Variants in PIK3R3 observed in about 807,000 individuals in gnomAD.
PIK3R3 encodes phosphatidylinositol 3-kinase regulatory subunit gamma.
PIK3R3 carries 64 observed loss-of-function variants against 62.9 expected under a neutral mutation model. The ratio of observed to expected loss-of-function variants is 1.02; its 90% confidence interval spans 0.83 to 1.25. The LOEUF is 1.25. PIK3R3 is among the 50% of genes most tolerant of loss of function. PIK3R3 has a pLI of 0.00. For synonymous variants in PIK3R3, 165 were observed against 189.0 expected (o/e 0.87, Z 1.04); for missense variants, 614 against 561.6 (o/e 1.09, Z -0.94).
chr1:46,135,601 A>C (rs1466198863), upstream of PIK3R3, among the ~76,000 whole-genome samples: 1 of 152,116 alleles, frequency 6.6e-6, no homozygotes, highest in East Asian at 1.9e-4. Context: ...TCAGAGATGG[A>C]TGAAATATTT....
rs1480930754 is a variant in PIK3R3, at chr1:46,132,526, G to T, written c.-574C>A. ...GGAACCGAAGCTGCCGCAGCCTCGG[G>T]AATGGGGCCGGCCGGAGAAGTCCAG... On this transcript the variant is annotated 5_prime_UTR_variant, in exon 1 of 10. Coordinates refer to ENST00000262741, the MANE Select transcript of PIK3R3 (RefSeq NM_003629.4). 1 of 1,241,846 alleles carries T rather than the reference G, an allele frequency of 8.1e-7. No homozygotes were observed. The highest frequency in any genetic ancestry group is 1.0e-6 in the Non-Finnish European group (1 of 965,086). 76.9% of individuals were successfully genotyped at this position (1,241,846 alleles called of 1,614,324 possible).
intron 1 of PIK3R3, among the ~76,000 whole-genome samples, chr1:46,090,357 A>G (rs1008244109): frequency 2.0e-5 from 3 of 151,532 alleles, no homozygotes; most frequent in East Asian, 1.9e-4. Context: ...TTTTTGAGAC[A>G]GTCTCCCTCT....
chr1:46,052,057 G>A (rs1156431366), intron 7 of PIK3R3, among the ~76,000 whole-genome samples: 5 of 152,084 alleles, frequency 3.3e-5, no homozygotes, highest in African/African-American at 1.2e-4. Flanking sequence ...AGAATGGCGT[G>A]AACCCGGGAG....
intron 7 of PIK3R3, among the ~76,000 whole-genome samples, chr1:46,054,397 C>CAAAAAAAAAAAA (rs10649671): frequency 1.2e-5 from 1 of 80,046 alleles, no homozygotes; most frequent in African/African-American, 5.0e-5. Flanking sequence ...CTCCGCCTCA[C>CAAAAAAAAAAAA]AAAAAAAAAA....
the PIK3R3 span, among the ~76,000 whole-genome samples, chr1:46,160,000 T>A: frequency 1.3e-5 from 2 of 152,206 alleles, no homozygotes; most frequent in African/African-American, 4.8e-5. Context: ...CTCATTTTTT[T>A]ATTCAAATCA....
chr1:46,115,634 T>C (rs918448071), intron 1 of PIK3R3, among the ~76,000 whole-genome samples: 3 of 152,232 alleles, frequency 2.0e-5, no homozygotes, highest in South Asian at 2.1e-4. Flanking sequence ...TTATATAGTT[T>C]ATGACTATCT....
intron 1 of PIK3R3, 87 bp downstream of exon 1, chr1:46,131,760 A>G: frequency 1.5e-6 from 2 of 1,301,416 alleles, no homozygotes; most frequent in South Asian, 2.4e-5. Context: ...GCACCCAGGA[A>G]TACTTCTGCC....
At chr1:46,110,390 G>GA (rs1233866870) in intron 1 of PIK3R3, among the ~76,000 whole-genome samples, 2 of 150,584 alleles carry the variant, frequency 1.3e-5, no homozygotes, top group Non-Finnish European at 2.9e-5. Flanking sequence ...CCAAAGTGCC[G>GA]AGATTACAGG....
intron 2 of PIK3R3, among the ~76,000 whole-genome samples, chr1:46,080,237 A>G (rs1442189114): frequency 6.7e-6 from 1 of 148,850 alleles, no homozygotes; most frequent in Non-Finnish European, 1.5e-5. Flanking sequence ...AATTTTTTGT[A>G]TTTTAGTAGA....
At chr1:46,071,015 G>A (rs991223363) in intron 3 of PIK3R3, among the ~76,000 whole-genome samples, 1 of 152,094 alleles carries the variant, frequency 6.6e-6, no homozygotes, top group African/African-American at 2.4e-5. Flanking sequence ...TCTGCAGTCT[G>A]GTTTTACTCT....
the PIK3R3 span, among the ~76,000 whole-genome samples, chr1:46,157,484 GT>G: frequency 6.6e-6 from 1 of 152,150 alleles, no homozygotes; most frequent in African/African-American, 2.4e-5. Context: ...CAGATCCAGA[GT>G]TCCCCAAATT....
chr1:46,053,032 C>G (rs994687693), intron 7 of PIK3R3, among the ~76,000 whole-genome samples: 5 of 152,196 alleles, frequency 3.3e-5, no homozygotes, highest in African/African-American at 9.6e-5. Flanking sequence ...TATACAAATT[C>G]CAGCATTAGA....
At chr1:46,143,030 G>A in the PIK3R3 span, among the ~76,000 whole-genome samples, 23 of 151,010 alleles carry the variant, frequency 1.5e-4, no homozygotes, top group African/African-American at 5.4e-4. Context: ...GAGATGCTTA[G>A]GAGGTAGACA....
At chr1:46,101,978 T>C (rs1271474959) in intron 1 of PIK3R3, among the ~76,000 whole-genome samples, 1 of 130,520 alleles carries the variant, frequency 7.7e-6, no homozygotes, top group Non-Finnish European at 1.6e-5. Flanking sequence ...TTGAATTGTA[T>C]ACTTTTTTTT....
At chr1:46,105,277 GCAGATCACGAGGT>G (rs1317009114) in intron 1 of PIK3R3, 2 of 281,010 alleles carry the variant, frequency 7.1e-6, no homozygotes, top group Admixed American at 1.0e-4. Flanking sequence ...GCCGAGGAGG[GCAGATCACGAGGT>G]CAAGTTCGAG....
At chr1:46,147,735 T>C in the PIK3R3 span, among the ~76,000 whole-genome samples, 1 of 152,178 alleles carries the variant, frequency 6.6e-6, no homozygotes, top group East Asian at 1.9e-4. Context: ...AGAACTCTGT[T>C]TTTTTAAATA....
chr1:46,156,366 G>T, the PIK3R3 span, among the ~76,000 whole-genome samples: 1 of 151,540 alleles, frequency 6.6e-6, no homozygotes, highest in Non-Finnish European at 1.5e-5. Context: ...GAGGCAGACA[G>T]GAGAATCGTT....
Position 46,077,575 on chromosome 1 carries a change from C to G in PIK3R3, c.254G>C (p.Gly85Ala), listed in dbSNP as rs760682612. 1 of 1,612,234 alleles carries G rather than the reference C, an allele frequency of 6.2e-7. No homozygotes were observed. The highest frequency in any genetic ancestry group is 8.5e-7 in the Non-Finnish European group (1 of 1,178,524). ...VNDKLRDMPD[G>A]TFLVRDASTK... ...TGAGGCATCTCGGACCAAGAAGGTC[C>G]CATCTGGCATATCCCGCAATTTGTC... The change falls in exon 3 of 10, where the codon GGG (glycine) becomes GCG (alanine). Residue 85 changes from glycine to alanine, a missense_variant. Coordinates refer to ENST00000262741, the MANE Select transcript of PIK3R3 (RefSeq NM_003629.4).
At chr1:46,073,433 G>A (rs538520136) in intron 3 of PIK3R3, among the ~76,000 whole-genome samples, 14 of 152,190 alleles carry the variant, frequency 9.2e-5, no homozygotes, top group Non-Finnish European at 1.8e-4. Flanking sequence ...TGAAAAGTAT[G>A]TGATCTGGAC....
Sources: allele counts gnomAD v4.1 joint callset (sites outside exome capture counted in the v4.1 genomes callset), GRCh38; gene constraint gnomAD v4.1.1; transcripts MANE v1.5; gene names NCBI Gene and HGNC (gene_info 2026-07-23, HGNC 2026-07-21).